CECR2: variants seen among roughly 807,000 people sequenced by gnomAD.
CECR2 encodes chromatin remodeling regulator CECR2.
CECR2 carries 30 observed loss-of-function variants against 154.5 expected under a neutral mutation model. The observed-to-expected ratio is 0.19, with a 90% CI of 0.15 to 0.26. The LOEUF is 0.26. Among genes scored for constraint, CECR2 ranks in the 10% least tolerant of loss-of-function variants. CECR2 has a pLI of 1.00. For missense variants in CECR2, 1,743 were observed against 1,829.3 expected, an observed-to-expected ratio of 0.95 and a Z score of 0.86; for synonymous variants, 725 against 683.7, an observed-to-expected ratio of 1.06 and a Z score of -0.94.
At chr22:17,441,014 G>C (rs2054577166) in intron 1 of CECR2, among the ~76,000 whole-genome samples, 1 of 152,148 alleles carries the variant, frequency 6.6e-6, no homozygotes, top group Non-Finnish European at 1.5e-5. Context: ...CTGGAGTGCA[G>C]TGGAGTGATC....
chr22:17,428,575 T>G lies in CECR2; in HGVS notation c.127-49013T>G, dbSNP rs187630668. On this transcript the variant is annotated intron_variant, in intron 1 of 18. Coordinates refer to ENST00000262608, the MANE Select transcript of CECR2 (RefSeq NM_001290047.2). ...AAGCATGATTATTTCCCCCCATATT[T>G]CACAATAAAAGTTTTCAAAATATTG... The G allele has an allele frequency of 2.4e-4, 36 of 152,302 alleles. No individual in the cohort carries two copies. In the East Asian group the frequency reaches 6.5e-3, roughly 28 times the overall value. 9.4% of individuals were successfully genotyped at this position (152,302 alleles called of 1,614,324 possible). A position where few individuals can be genotyped will look rare whatever the true frequency, so the allele number is the denominator to read the frequency against.
intron 7 of CECR2, among the ~76,000 whole-genome samples, chr22:17,508,705 G>C (rs1255828090): frequency 6.6e-6 from 1 of 152,048 alleles, no homozygotes; most frequent in Non-Finnish European, 1.5e-5. Context: ...CTGTGTAGTA[G>C]GCTATGCCAT....
At chr22:17,430,037 C>T (rs1355450143) in intron 1 of CECR2, among the ~76,000 whole-genome samples, 1 of 152,120 alleles carries the variant, frequency 6.6e-6, no homozygotes, top group African/African-American at 2.4e-5. Flanking sequence ...TATTCGTTTC[C>T]TATATGGGGC....
At chr22:17,497,305 C>CTG in intron 2 of CECR2, 98 bp from the exon 3 acceptor site, 1 of 1,261,662 alleles carries the variant, frequency 7.9e-7, no homozygotes, top group Non-Finnish European at 1.1e-6. Context: ...AAACAAAAAT[C>CTG]TGTTAGCTGT....
At chr22:17,529,987 A>C (rs1340899759) in intron 9 of CECR2, among the ~76,000 whole-genome samples, 1 of 152,184 alleles carries the variant, frequency 6.6e-6, no homozygotes, top group Non-Finnish European at 1.5e-5. Context: ...GTGACATTCT[A>C]AGCGGATTTT....
chr22:17,425,282 A>T (rs565749832), intron 1 of CECR2, among the ~76,000 whole-genome samples: 1 of 152,096 alleles, frequency 6.6e-6, no homozygotes, highest in Non-Finnish European at 1.5e-5. Flanking sequence ...ACACAGGTGA[A>T]TATGTATGTA....
rs2056792758 is a variant in CECR2 at position 17,557,947 on chromosome 22, A to G, written c.*5107A>G. 1 of 152,090 alleles carries G rather than the reference A, an allele frequency of 6.6e-6. No homozygotes were observed. The highest frequency in any genetic ancestry group is 1.5e-5 in the Non-Finnish European group (1 of 68,012). The allele number at this position is 152,090 out of a possible 1,614,324, so 9.4% of individuals were successfully genotyped here. A position where few individuals can be genotyped will look rare whatever the true frequency, so the allele number is the denominator to read the frequency against. On this transcript the variant is annotated 3_prime_UTR_variant, in exon 19 of 19. Transcript: ENST00000262608. ...AGTACTGGAAAGGGGAATGCTATTT[A>G]TTTTTATATTGTGTATATTTTGTCG...
intron 2 of CECR2, among the ~76,000 whole-genome samples, chr22:17,480,612 C>T (rs1601428030): frequency 6.6e-6 from 1 of 152,098 alleles, no homozygotes; most frequent in Non-Finnish European, 1.5e-5. Flanking sequence ...GTTCCACATG[C>T]GGTTACTGTG....
intron 16 of CECR2, among the ~76,000 whole-genome samples, chr22:17,544,328 C>T (rs2056576726): frequency 6.7e-6 from 1 of 150,294 alleles, no homozygotes; most frequent in Admixed American, 6.6e-5. Context: ...GAAACCCCAT[C>T]TCTACTAAAA....
chr22:17,553,007 A>G lies in CECR2; in HGVS notation c.*167A>G. 1 of 1,442,406 alleles carries G rather than the reference A, an allele frequency of 6.9e-7. No individual in the cohort carries two copies. The highest frequency in any genetic ancestry group is 9.1e-7 in the Non-Finnish European group (1 of 1,100,270). 89.4% of individuals were successfully genotyped at this position (1,442,406 alleles called of 1,614,324 possible). A position where few individuals can be genotyped will look rare whatever the true frequency, so the allele number is the denominator to read the frequency against. ...GGAGCCAGTCACGGGCCCTAAAAGG[A>G]CACTCCTTAGATGACTGACACACAG... On this transcript the variant is annotated 3_prime_UTR_variant, in exon 19 of 19. Transcript: ENST00000262608.
intron 1 of CECR2, among the ~76,000 whole-genome samples, chr22:17,381,669 T>C (rs572294550): frequency 6.6e-6 from 1 of 152,302 alleles, no homozygotes; most frequent in South Asian, 2.1e-4. Context: ...GTTGTGCTGC[T>C]GCCCTGGGGG....
Position 17,421,100 on chromosome 22 carries a change from T to A in CECR2, c.126+51191T>A, listed in dbSNP as rs5992690. ...ACCCATTAGCTAAGAATTTTTTTTT[T>A]AAGTTTTTATTTTAGCCTCATTCAT... On this transcript the variant is annotated intron_variant, in intron 1 of 18. Transcript: ENST00000262608. 8.6e-3 allele frequency among the ~76,000 whole-genome samples: 1,307 copies of A among 152,294 alleles called. 9 individuals carry two copies. Among genetic ancestry groups the A allele is most frequent in the Non-Finnish European group, 0.015 (1,037 of 68,012 alleles).
intron 1 of CECR2, among the ~76,000 whole-genome samples, chr22:17,427,312 A>G (rs539961626): frequency 2.0e-4 from 30 of 152,122 alleles, no homozygotes; most frequent in South Asian, 4.1e-4. Context: ...GAATAGTGCC[A>G]CAATAAACAT....
chr22:17,429,557 C>CAAAGA (rs1038596599), intron 1 of CECR2, among the ~76,000 whole-genome samples: 1 of 131,312 alleles, frequency 7.6e-6, no homozygotes, highest in Non-Finnish European at 1.6e-5. Flanking sequence ...AAAACAAAAA[C>CAAAGA]AAAGAAAAGA....
intron 1 of CECR2, among the ~76,000 whole-genome samples, chr22:17,417,093 G>C (rs1263720038): frequency 2.0e-5 from 3 of 150,796 alleles, no homozygotes; most frequent in African/African-American, 7.3e-5. Context: ...TACAGTGGTA[G>C]ATGTTTTACC....
intron 9 of CECR2, among the ~76,000 whole-genome samples, chr22:17,532,526 A>T (rs1439329909): frequency 6.6e-6 from 1 of 151,970 alleles, no homozygotes; most frequent in Non-Finnish European, 1.5e-5. Context: ...AAACACAAGG[A>T]TTTCCTCTAT....
chr22:17,511,313 C>T (rs542894128), intron 7 of CECR2, among the ~76,000 whole-genome samples: 90 of 152,234 alleles, frequency 5.9e-4, no homozygotes, highest in African/African-American at 2.1e-3. Context: ...TGGCACTCAC[C>T]GCATTCTGCT....
intron 3 of CECR2, among the ~76,000 whole-genome samples, chr22:17,499,059 G>A (rs1261161233): frequency 1.3e-5 from 2 of 151,918 alleles, no homozygotes; most frequent in Non-Finnish European, 2.9e-5. Flanking sequence ...GCATGATCTT[G>A]GCTCACTGCG....
chr22:17,365,328 T>G (rs1277662836), upstream of CECR2, among the ~76,000 whole-genome samples: 5 of 152,204 alleles, frequency 3.3e-5, no homozygotes, highest in African/African-American at 4.8e-5. Context: ...TCAGTAATAA[T>G]AAAGCAGAGC....
Sources: gnomAD v4.1 joint callset for allele counts (sites outside exome capture counted in the v4.1 genomes callset) on GRCh38, gnomAD v4.1.1 for gene constraint, MANE v1.5 for transcripts, NCBI Gene and HGNC (gene_info 2026-07-23, HGNC 2026-07-21) for gene names.